COLEC12: variants seen among roughly 807,000 people sequenced by gnomAD.
COLEC12 encodes the protein collectin subfamily member 12.
In COLEC12, 33 loss-of-function variants were observed where a neutral mutation model predicts 71.1. The observed-to-expected ratio is 0.46, with a 90% CI of 0.35 to 0.62. The LOEUF (loss-of-function observed/expected upper bound fraction) is 0.62, where lower values mean the gene tolerates loss of function less well. COLEC12 is among the 20% of genes least tolerant of loss of function. The probability of loss-of-function intolerance (pLI) is 0.00; values close to 1 mark genes in which losing one functional copy is unlikely to be tolerated. For synonymous variants in COLEC12, 350 were observed against 353.0 expected, an observed-to-expected ratio of 0.99 and a Z score of 0.10; for missense variants, 765 against 916.1, an observed-to-expected ratio of 0.84 and a Z score of 2.13.
rs1046880313 is a variant in COLEC12, at chr18:327,544, T to A, written c.2063+4124A>T. ...ATGGGAAATAAGCCTGAGCTCAATC[T>A]GTGTGTCCCCTAAGCCTTTGGCTTC... On this transcript the variant is annotated intron_variant, in intron 8 of 9. Transcript: ENST00000400256. This position sits in a 1 kb window ranked among gnomAD's most constrained non-coding sequence, Gnocchi z 4.0. Among the ~76,000 whole-genome samples, 3 of 152,234 alleles carry A rather than the reference T, an allele frequency of 2.0e-5. No individual in the cohort carries two copies. The highest frequency in any genetic ancestry group is 6.5e-5 in the Admixed American group (1 of 15,288).
rs72861806 is a variant in COLEC12 at position 394,286 on chromosome 18, G to A, written c.59-36764C>T. On this transcript the variant is annotated intron_variant, in intron 2 of 9. Transcript: ENST00000400256. ...CAACCTGGTACTGGGGTCAGTGTGG[G>A]TGTAAACACACATGAATGCTGAGGA... is the stretch of plus-strand genomic sequence containing the variant. Among the ~76,000 whole-genome samples the A allele has an allele frequency of 5.4e-3, 830 of 152,320 alleles. 1 individual carries two copies. The highest frequency in any genetic ancestry group is 9.3e-3 in the Non-Finnish European group (631 of 68,032).
At chr18:337,005 T>C (rs993988742) in intron 5 of COLEC12, among the ~76,000 whole-genome samples, 1 of 151,590 alleles carries the variant, frequency 6.6e-6, no homozygotes, top group African/African-American at 2.4e-5. Flanking sequence ...ACTAGAGGCT[T>C]GTGCCACATT....
chr18:444,181 T>C (rs762182756), intron 2 of COLEC12, among the ~76,000 whole-genome samples: 1 of 152,234 alleles, frequency 6.6e-6, no homozygotes, highest in Non-Finnish European at 1.5e-5. Context: ...GAAACAAGTA[T>C]GAGCAAGTAT....
At chr18:401,154 C>T (rs1282181850) in intron 2 of COLEC12, among the ~76,000 whole-genome samples, 1 of 152,142 alleles carries the variant, frequency 6.6e-6, no homozygotes, top group Non-Finnish European at 1.5e-5. Context: ...TGAATGTGTT[C>T]TGATCAAAAC....
At position 320,036 on chromosome 18, in the gene COLEC12, C is replaced by G; in HGVS notation, c.*9G>C. 1 of 1,545,400 alleles carries G rather than the reference C, an allele frequency of 6.5e-7. No homozygotes were observed. The highest frequency in any genetic ancestry group is 8.8e-7 in the Non-Finnish European group (1 of 1,130,060). On this transcript the variant is annotated 3_prime_UTR_variant, in exon 10 of 10. Transcript: ENST00000400256. Reference sequence around the variant, plus strand: ...TGAAAATTTGCTCATGTGATCCCATCACAGTCCGTTATAATGCAGATGACA... The same window carrying G: ...TGAAAATTTGCTCATGTGATCCCATGACAGTCCGTTATAATGCAGATGACA...
chr18:325,961 T>C (rs544263915), intron 8 of COLEC12, among the ~76,000 whole-genome samples: 2 of 152,214 alleles, frequency 1.3e-5, no homozygotes, highest in Admixed American at 1.3e-4. Context: ...CCTGGTTTTA[T>C]AGATCCTTTC....
rs191136545 is a variant in COLEC12 at position 456,571 on chromosome 18, T to C, written c.58+24136A>G. On this transcript the variant is annotated intron_variant, in intron 2 of 9. Coordinates refer to ENST00000400256, the MANE Select transcript of COLEC12 (RefSeq NM_130386.3). ...TGTTCACCACACTTCACTAGAGCCT[T>C]CCCACACCTCCGCTTAGGAAGGTCA... 5.3e-5 allele frequency among the ~76,000 whole-genome samples: 8 copies of C among 152,298 alleles called. No individual in the cohort carries two copies. In the East Asian group the frequency reaches 1.5e-3, roughly 29 times the overall value.
chr18:449,467 T>C (rs1916716043), intron 2 of COLEC12, among the ~76,000 whole-genome samples: 1 of 152,216 alleles, frequency 6.6e-6, no homozygotes, highest in South Asian at 2.1e-4. Flanking sequence ...AAACAAACTC[T>C]GCAAAGCTGT....
intron 8 of COLEC12, among the ~76,000 whole-genome samples, chr18:322,215 C>CAT (rs1555611959): frequency 1.3e-5 from 2 of 151,384 alleles, no homozygotes; most frequent in South Asian, 2.1e-4. Context: ...CACACACACA[C>CAT]GCACACATGA....
intron 2 of COLEC12, among the ~76,000 whole-genome samples, chr18:413,723 A>G (rs1408459849): frequency 5.9e-5 from 9 of 152,218 alleles, no homozygotes; most frequent in Middle Eastern, 3.2e-3. Context: ...AATGCCCCCA[A>G]CCTGGAAATA....
intron 1 of COLEC12, among the ~76,000 whole-genome samples, chr18:489,230 C>T (rs954538349): frequency 6.6e-6 from 1 of 152,222 alleles, no homozygotes; most frequent in Non-Finnish European, 1.5e-5. Context: ...AAAGTAAATA[C>T]AGCAGTGCTT....
intron 2 of COLEC12, among the ~76,000 whole-genome samples, chr18:386,897 G>A (rs1414659010): frequency 1.3e-5 from 2 of 152,030 alleles, no homozygotes; most frequent in Admixed American, 1.3e-4. Context: ...CATAGCTTCT[G>A]AAGAGGCCAG....
intron 2 of COLEC12, among the ~76,000 whole-genome samples, chr18:463,425 T>A (rs972259488): frequency 6.6e-6 from 1 of 152,106 alleles, no homozygotes; most frequent in African/African-American, 2.4e-5. Flanking sequence ...AAGATCTATA[T>A]CAATTAAAAT....
chr18:442,120 T>C (rs1358533622), intron 2 of COLEC12, among the ~76,000 whole-genome samples: 1 of 143,938 alleles, frequency 6.9e-6, no homozygotes, highest in East Asian at 1.9e-4. Context: ...GTATCCGATG[T>C]TGTATTCCTT....
chr18:415,183 C>G (rs1158549926), intron 2 of COLEC12, among the ~76,000 whole-genome samples: 3 of 152,210 alleles, frequency 2.0e-5, no homozygotes, highest in Admixed American at 1.3e-4. Context: ...TTGATTGCAG[C>G]AACAGTTCTG....
chr18:360,915 C>A (rs1598338382), intron 2 of COLEC12, among the ~76,000 whole-genome samples: 1 of 152,154 alleles, frequency 6.6e-6, no homozygotes, highest in Non-Finnish European at 1.5e-5. Context: ...TGTCTCAGCA[C>A]CGTCTCTTAT....
chr18:343,309 A>G (rs1418276128), intron 5 of COLEC12, among the ~76,000 whole-genome samples: 1 of 152,100 alleles, frequency 6.6e-6, no homozygotes, highest in African/African-American at 2.4e-5. Context: ...TCACCTCAGC[A>G]AGGCTCAGGT....
intron 2 of COLEC12, among the ~76,000 whole-genome samples, chr18:375,690 C>T (rs1295570422): frequency 6.6e-6 from 1 of 152,162 alleles, no homozygotes; most frequent in Non-Finnish European, 1.5e-5. Context: ...TAGCACTTAT[C>T]ACCATTTCAT....
chr18:330,848 T>G (rs941897888), intron 8 of COLEC12, among the ~76,000 whole-genome samples: 6 of 151,228 alleles, frequency 4.0e-5, no homozygotes, highest in Admixed American at 4.0e-4. Flanking sequence ...TAACTTACTA[T>G]GAGTAGGAAA....
Sources: gnomAD v4.1 joint callset for allele counts (sites outside exome capture counted in the v4.1 genomes callset) on GRCh38, gnomAD v4.1.1 for gene constraint, Gnocchi (gnomAD v3.1) non-coding constraint, MANE v1.5 for transcripts, NCBI Gene and HGNC (gene_info 2026-07-23, HGNC 2026-07-21) for gene names.